The following AKAP13 variants were observed in gnomAD, a reference collection of about 807,000 sequenced individuals.
The protein encoded by AKAP13 is A-kinase anchoring protein 13, also known as A-kinase anchor protein 13.
Under a neutral mutation model 264.5 loss-of-function variants are expected in AKAP13, and 80 were observed. The observed-to-expected ratio is 0.30, with a 90% confidence interval of 0.25 to 0.36. The LOEUF (loss-of-function observed/expected upper bound fraction) is 0.36, where lower values mean the gene tolerates loss of function less well. Among genes scored for constraint, AKAP13 ranks in the 10% least tolerant of loss-of-function variants. The pLI is 1.00. For synonymous variants in AKAP13, 1,380 were observed against 1,250.2 expected (o/e 1.10, Z -2.19); for missense variants, 3,712 against 3,435.2 (o/e 1.08, Z -2.01).
intron 2 of AKAP13, among the ~76,000 whole-genome samples, chr15:85,520,402 A>T (rs953819887): frequency 6.6e-6 from 1 of 150,856 alleles, no homozygotes; most frequent in African/African-American, 2.4e-5. Flanking sequence ...GGAGGCTGAG[A>T]CATGAGGATC....
intron 1 of AKAP13, among the ~76,000 whole-genome samples, chr15:85,456,312 G>T (rs1050776855): frequency 1.3e-5 from 2 of 152,100 alleles, no homozygotes; most frequent in Non-Finnish European, 2.9e-5. Context: ...GCTTTGAATT[G>T]AGGATGACTG....
At chr15:85,604,445 C>T (rs2080229527) in intron 8 of AKAP13, among the ~76,000 whole-genome samples, 2 of 148,408 alleles carry the variant, frequency 1.3e-5, no homozygotes, top group Admixed American at 6.7e-5. Context: ...TGGAACCAAT[C>T]AAAAGCTGCT....
intron 1 of AKAP13, among the ~76,000 whole-genome samples, chr15:85,420,464 G>T (rs538631874): frequency 6.6e-6 from 1 of 152,068 alleles, no homozygotes; most frequent in Non-Finnish European, 1.5e-5. Flanking sequence ...TGGATGCAGG[G>T]TATGGTATGA....
chr15:85,584,752 G>C (rs1160975048), intron 7 of AKAP13, among the ~76,000 whole-genome samples: 1 of 152,150 alleles, frequency 6.6e-6, no homozygotes, highest in African/African-American at 2.4e-5. Flanking sequence ...TTTATTCTTT[G>C]GTGAAAGAAA....
At chr15:85,678,804 T>C (rs1054057846) in intron 14 of AKAP13, among the ~76,000 whole-genome samples, 1 of 151,748 alleles carries the variant, frequency 6.6e-6, no homozygotes, top group Admixed American at 6.6e-5. Context: ...GGGAGGCAGA[T>C]GTTGCAGTGA....
At chr15:85,474,961 A>G (rs955870505) in intron 1 of AKAP13, among the ~76,000 whole-genome samples, 1 of 152,180 alleles carries the variant, frequency 6.6e-6, no homozygotes, top group Non-Finnish European at 1.5e-5. Flanking sequence ...CTTGGAAATC[A>G]TTCCTAACAG....
chr15:85,485,486 G>A (rs543814643), intron 1 of AKAP13, among the ~76,000 whole-genome samples: 9 of 152,206 alleles, frequency 5.9e-5, no homozygotes, highest in Admixed American at 5.2e-4. Flanking sequence ...TTTTTCAATC[G>A]GAAGATCTTT....
At chr15:85,665,046 T>C (rs2083513005) in intron 13 of AKAP13, among the ~76,000 whole-genome samples, 1 of 151,768 alleles carries the variant, frequency 6.6e-6, no homozygotes, top group Admixed American at 6.6e-5. Context: ...CTACAAAAAA[T>C]TTAAAAATTA....
chr15:85,725,868 G>A (rs951365658), intron 26 of AKAP13, among the ~76,000 whole-genome samples: 7 of 152,288 alleles, frequency 4.6e-5, no homozygotes, highest in African/African-American at 2.4e-5. Context: ...ACTGGAAGGC[G>A]CCTGCCTGTG....
At chr15:85,709,389 G>A (rs560383553) in intron 18 of AKAP13, among the ~76,000 whole-genome samples, 90 of 152,244 alleles carry the variant, frequency 5.9e-4, no homozygotes, top group Middle Eastern at 3.4e-3. Flanking sequence ...CATCAGTGGC[G>A]CCTGAGCACC....
chr15:85,392,817 A>G (rs965253349), intron 1 of AKAP13, among the ~76,000 whole-genome samples: 6 of 152,206 alleles, frequency 3.9e-5, no homozygotes, highest in African/African-American at 1.4e-4. Context: ...TTTATGTTGC[A>G]CTGTGGTGGG....
intron 29 of AKAP13, among the ~76,000 whole-genome samples, chr15:85,728,745 A>G (rs963876376): frequency 6.6e-6 from 1 of 152,180 alleles, no homozygotes; most frequent in African/African-American, 2.4e-5. Flanking sequence ...CTGCCAAGGA[A>G]TGACAGGTTC....
intron 5 of AKAP13, among the ~76,000 whole-genome samples, chr15:85,567,554 T>A (rs1001088110): frequency 6.6e-6 from 1 of 152,168 alleles, no homozygotes; most frequent in Non-Finnish European, 1.5e-5. Flanking sequence ...TGCATGTGCT[T>A]TTGGGGAAGA....
At chr15:85,543,152 C>T (rs2077625469) in intron 4 of AKAP13, among the ~76,000 whole-genome samples, 1 of 152,124 alleles carries the variant, frequency 6.6e-6, no homozygotes, top group Non-Finnish European at 1.5e-5. Context: ...CTTATTGTGC[C>T]AGGAGATGCA....
At chr15:85,492,872 T>C (rs1200452012) in intron 2 of AKAP13, among the ~76,000 whole-genome samples, 1 of 152,220 alleles carries the variant, frequency 6.6e-6, no homozygotes, top group Non-Finnish European at 1.5e-5. Flanking sequence ...TTTCCAATTA[T>C]TGGAAGTGTT....
intron 4 of AKAP13, among the ~76,000 whole-genome samples, chr15:85,537,584 A>T (rs373633754): frequency 3.3e-5 from 5 of 152,228 alleles, no homozygotes; most frequent in African/African-American, 4.8e-5. Context: ...CATATGATAA[A>T]TTTCTTAAGT....
intron 1 of AKAP13, among the ~76,000 whole-genome samples, chr15:85,484,602 A>AT (rs1049052528): frequency 1.3e-5 from 2 of 152,072 alleles, no homozygotes; most frequent in Non-Finnish European, 2.9e-5. Context: ...GCTGATGTAG[A>AT]TTTTTTTCCC....
intron 1 of AKAP13, among the ~76,000 whole-genome samples, chr15:85,442,991 T>A (rs184017377): frequency 3.3e-5 from 5 of 152,312 alleles, no homozygotes; most frequent in East Asian, 1.9e-4. Flanking sequence ...CTGCTTTTTT[T>A]AGGCTTGGGT....
intron 17 of AKAP13, among the ~76,000 whole-genome samples, chr15:85,705,818 C>T (rs901205239): frequency 7.3e-6 from 1 of 136,896 alleles, no homozygotes; most frequent in Non-Finnish European, 1.6e-5. Context: ...CCTTCCTCCC[C>T]AAGGACAAGG....
Sources: gnomAD v4.1 joint callset for allele counts (sites outside exome capture counted in the v4.1 genomes callset) on GRCh38, gnomAD v4.1.1 for gene constraint, MANE v1.5 for transcripts, NCBI Gene and HGNC (gene_info 2026-07-23, HGNC 2026-07-21) for gene names.